Variants in GRAMD1B observed in about 807,000 individuals in gnomAD.
The protein encoded by GRAMD1B is protein Aster-B.
Under a neutral mutation model 99.7 loss-of-function variants are expected in GRAMD1B, and 37 were observed. That is an observed-to-expected ratio of 0.37 (90% CI 0.29 to 0.49). GRAMD1B has a LOEUF of 0.49. Ranked by LOEUF, GRAMD1B falls within the 20% of genes least tolerant of loss-of-function variation. The pLI, the probability that GRAMD1B is intolerant of heterozygous loss-of-function variation, is 0.98. For synonymous variants in GRAMD1B, 427 were observed against 387.6 expected (o/e 1.10, Z -1.19); for missense variants, 888 against 1,009.2 (o/e 0.88, Z 1.63).
At chr11:123,467,199 T>TAG (rs1225370692) in intron 1 of GRAMD1B, among the ~76,000 whole-genome samples, 1 of 152,084 alleles carries the variant, frequency 6.6e-6, no homozygotes, top group Non-Finnish European at 1.5e-5. Flanking sequence ...AGCTTATAGA[T>TAG]AGGCTGGGTG....
chr11:123,618,124 C>T (rs1954687430), intron 17 of GRAMD1B, among the ~76,000 whole-genome samples: 1 of 152,176 alleles, frequency 6.6e-6, no homozygotes, highest in Non-Finnish European at 1.5e-5. Context: ...GGAGTCTTTT[C>T]TCAATTTAGC....
At chr11:123,586,352 C>T (rs974950034) in intron 4 of GRAMD1B, among the ~76,000 whole-genome samples, 1 of 152,228 alleles carries the variant, frequency 6.6e-6, no homozygotes, top group African/African-American at 2.4e-5. Flanking sequence ...TGTCCTGCCT[C>T]TTCCTCTATT....
chr11:123,585,729 T>C (rs1174104879), intron 4 of GRAMD1B, among the ~76,000 whole-genome samples: 1 of 152,184 alleles, frequency 6.6e-6, no homozygotes, highest in Non-Finnish European at 1.5e-5. Flanking sequence ...TTGCACCTTT[T>C]TAAGCAGCAT....
chr11:123,557,051 A>G (rs143085095), intron 2 of GRAMD1B, among the ~76,000 whole-genome samples: 5 of 152,344 alleles, frequency 3.3e-5, no homozygotes, highest in African/African-American at 1.2e-4. Flanking sequence ...CTTAATAACC[A>G]TGTACTATAG....
chr11:123,528,949 C>T (rs1302368844), intron 2 of GRAMD1B, among the ~76,000 whole-genome samples: 1 of 152,202 alleles, frequency 6.6e-6, no homozygotes, highest in Non-Finnish European at 1.5e-5. Context: ...AACTACCACG[C>T]AACAGCATGG....
chr11:123,570,760 T>C (rs1947990539), intron 2 of GRAMD1B, among the ~76,000 whole-genome samples: 1 of 152,192 alleles, frequency 6.6e-6, no homozygotes, highest in African/African-American at 2.4e-5. Flanking sequence ...CTCAAAAATA[T>C]TTATGGAGCG....
chr11:123,368,997 C>T (rs977041665), intron 1 of GRAMD1B, among the ~76,000 whole-genome samples: 5 of 151,956 alleles, frequency 3.3e-5, no homozygotes, highest in Admixed American at 6.5e-5. Context: ...AATGAGTTTT[C>T]AAAAGCGGGA....
intron 3 of GRAMD1B, 90 bp from the exon 4 acceptor site, chr11:123,584,221 AC>A (rs969529422): frequency 1.1e-5 from 8 of 696,388 alleles, no homozygotes; most frequent in African/African-American, 1.9e-5. Flanking sequence ...CTCCCTGCCC[AC>A]CCTCCGCTGT....
intron 2 of GRAMD1B, among the ~76,000 whole-genome samples, chr11:123,504,616 T>C (rs1255252044): frequency 2.0e-5 from 3 of 152,160 alleles, no homozygotes; most frequent in Non-Finnish European, 4.4e-5. Context: ...GCAGCTTCTC[T>C]CCATCCACAG....
At chr11:123,382,087 A>T (rs1946895539) in intron 1 of GRAMD1B, among the ~76,000 whole-genome samples, 1 of 152,184 alleles carries the variant, frequency 6.6e-6, no homozygotes, top group African/African-American at 2.4e-5. Context: ...GAATAAATGA[A>T]TGATATCAGT....
intron 2 of GRAMD1B, among the ~76,000 whole-genome samples, chr11:123,549,992 C>G (rs1945453158): frequency 6.6e-6 from 1 of 152,180 alleles, no homozygotes; most frequent in Non-Finnish European, 1.5e-5. Flanking sequence ...TACACCCAGA[C>G]AGGACCTGGC....
intron 2 of GRAMD1B, among the ~76,000 whole-genome samples, chr11:123,507,106 G>T (rs1441295100): frequency 6.6e-6 from 1 of 152,190 alleles, no homozygotes; most frequent in Non-Finnish European, 1.5e-5. Flanking sequence ...TGACTTTGAT[G>T]TAATAGAACA....
chr11:123,529,918 C>G (rs572777911), intron 2 of GRAMD1B, among the ~76,000 whole-genome samples: 3 of 152,154 alleles, frequency 2.0e-5, no homozygotes, highest in South Asian at 4.1e-4. Context: ...GTAATGCCGT[C>G]TCCAAAGAGC....
intron 14 of GRAMD1B, among the ~76,000 whole-genome samples, chr11:123,612,297 A>AT (rs1953704910): frequency 6.6e-6 from 1 of 152,186 alleles, no homozygotes; most frequent in Non-Finnish European, 1.5e-5. Context: ...GGTTAAAGTG[A>AT]TAAAAACCCA....
chr11:123,510,955 G>A lies in GRAMD1B; in HGVS notation c.452+30062G>A, dbSNP rs1591760878. Among the ~76,000 whole-genome samples the A allele has an allele frequency of 1.3e-5, 2 of 152,164 alleles. No homozygotes were observed. The highest frequency in any genetic ancestry group is 4.2e-4 in the South Asian group (2 of 4,812). On this transcript the variant is annotated intron_variant, in intron 2 of 19. Transcript: ENST00000635736. The surrounding 1 kb of genome is among the most constrained non-coding windows in gnomAD (Gnocchi z 4.3). Reference sequence around the variant, plus strand: ...GGTGGATGAGGGGTGCAGGGTGGGGGGTGGAGGTATCTGTAGCTTTCATCT... The same window carrying A: ...GGTGGATGAGGGGTGCAGGGTGGGGAGTGGAGGTATCTGTAGCTTTCATCT...
chr11:123,359,714 G>A (rs1011597543), intron 1 of GRAMD1B, among the ~76,000 whole-genome samples: 5 of 152,190 alleles, frequency 3.3e-5, no homozygotes, highest in East Asian at 3.9e-4. Flanking sequence ...TATCGCGAAC[G>A]CTTGGCAAAT....
chr11:123,491,122 C>T (rs765799726), intron 2 of GRAMD1B, among the ~76,000 whole-genome samples: 43 of 152,056 alleles, frequency 2.8e-4, no homozygotes, highest in Non-Finnish European at 4.3e-4. Context: ...CACCTGAGGT[C>T]GGGAGTTTGA....
At chr11:123,448,867 C>G (rs1278798760) in intron 1 of GRAMD1B, among the ~76,000 whole-genome samples, 1 of 152,216 alleles carries the variant, frequency 6.6e-6, no homozygotes, top group Non-Finnish European at 1.5e-5. Context: ...CACAAGCATC[C>G]TGACTCCATC....
At chr11:123,488,831 A>G (rs1938189820) in intron 2 of GRAMD1B, among the ~76,000 whole-genome samples, 1 of 152,196 alleles carries the variant, frequency 6.6e-6, no homozygotes, top group Non-Finnish European at 1.5e-5. Flanking sequence ...AGGAAGAGAG[A>G]GCAACATAAA....
Sources: allele counts gnomAD v4.1 joint callset (sites outside exome capture counted in the v4.1 genomes callset), GRCh38; gene constraint gnomAD v4.1.1; non-coding constraint Gnocchi (gnomAD v3.1); transcripts MANE v1.5; gene names NCBI Gene and HGNC (gene_info 2026-07-23, HGNC 2026-07-21).